Variants in FGF12 observed in about 807,000 individuals in gnomAD.
The protein encoded by FGF12 is fibroblast growth factor 12B.
FGF12 carries 14 observed loss-of-function variants against 23.6 expected under a neutral mutation model. That is an observed-to-expected ratio of 0.59 (90% CI 0.39 to 0.93). The LOEUF (loss-of-function observed/expected upper bound fraction) is 0.93. FGF12 is among the 40% of genes least tolerant of loss of function. The pLI, the probability that FGF12 is intolerant of heterozygous loss-of-function variation, is 0.00. For missense variants in FGF12, 175 were observed against 217.8 expected, an observed-to-expected ratio of 0.80 and a Z score of 1.24; for synonymous variants, 62 against 77.3, an observed-to-expected ratio of 0.80 and a Z score of 1.04.
At chr3:192,461,479 A>G (rs868177655) in intron 2 of FGF12, among the ~76,000 whole-genome samples, 1 of 152,342 alleles carries the variant, frequency 6.6e-6, no homozygotes, top group Admixed American at 6.5e-5. Context: ...CTGGAATTCC[A>G]TCATATTTAT....
chr3:192,216,921 G>C (rs985265874), intron 4 of FGF12, among the ~76,000 whole-genome samples: 2 of 152,188 alleles, frequency 1.3e-5, no homozygotes, highest in Non-Finnish European at 2.9e-5. Flanking sequence ...TGAATATTAA[G>C]GATGTGAGAA....
intron 4 of FGF12, among the ~76,000 whole-genome samples, chr3:192,312,039 A>G (rs933780853): frequency 1.3e-5 from 2 of 151,944 alleles, no homozygotes; most frequent in African/African-American, 4.8e-5. Context: ...CTGAGTTATA[A>G]GAGTTCTTTA....
At chr3:192,393,429 AACTG>A (rs1300753395) in intron 2 of FGF12, among the ~76,000 whole-genome samples, 68 of 152,222 alleles carry the variant, frequency 4.5e-4, no homozygotes, top group Non-Finnish European at 2.2e-4. Context: ...GGTGGCCTCT[AACTG>A]ACTGTTATGA....
At chr3:192,218,861 A>C (rs886601995) in intron 4 of FGF12, among the ~76,000 whole-genome samples, 4 of 152,198 alleles carry the variant, frequency 2.6e-5, no homozygotes, top group African/African-American at 7.2e-5. Flanking sequence ...TTTGCTCCAC[A>C]TTTAAAAAGT....
At chr3:192,156,833 G>C (rs1714452754) in intron 5 of FGF12, among the ~76,000 whole-genome samples, 1 of 152,088 alleles carries the variant, frequency 6.6e-6, no homozygotes, top group Non-Finnish European at 1.5e-5. Flanking sequence ...TTTCTTTTTG[G>C]TTCTTCTGTA....
chr3:192,398,012 C>T (rs185924868), intron 2 of FGF12, among the ~76,000 whole-genome samples: 31 of 152,022 alleles, frequency 2.0e-4, no homozygotes, highest in Admixed American at 1.0e-3. Context: ...ACAACTTATC[C>T]GGGTTTATAG....
intron 2 of FGF12, among the ~76,000 whole-genome samples, chr3:192,653,332 C>A (rs1470676405): frequency 2.0e-5 from 3 of 152,064 alleles, no homozygotes; most frequent in African/African-American, 7.2e-5. Context: ...TTAGAATAAT[C>A]AAAAAATCTC....
At chr3:192,577,078 A>T (rs1039051071) in intron 2 of FGF12, among the ~76,000 whole-genome samples, 6 of 152,152 alleles carry the variant, frequency 3.9e-5, no homozygotes, top group African/African-American at 1.4e-4. Flanking sequence ...TAGGGGAGGG[A>T]TAGCATTAGG....
intron 4 of FGF12, among the ~76,000 whole-genome samples, chr3:192,196,705 A>G (rs1717087709): frequency 6.6e-6 from 1 of 152,210 alleles, no homozygotes; most frequent in African/African-American, 2.4e-5. Flanking sequence ...TGAACCATCA[A>G]GGTAGACGTG....
intron 4 of FGF12, among the ~76,000 whole-genome samples, chr3:192,186,012 A>G (rs1451132893): frequency 6.6e-6 from 1 of 151,276 alleles, no homozygotes; most frequent in Non-Finnish European, 1.5e-5. Context: ...GAAGCCTATA[A>G]TATGAGAGAA....
chr3:192,352,322 G>T (rs1029338107), intron 3 of FGF12, among the ~76,000 whole-genome samples: 1 of 152,214 alleles, frequency 6.6e-6, no homozygotes, highest in Non-Finnish European at 1.5e-5. Flanking sequence ...GATGCCAGTT[G>T]TACTTGCTGC....
intron 4 of FGF12, among the ~76,000 whole-genome samples, chr3:192,195,726 ATATGTATGTATGTGTATATATG>A (rs1012209177): frequency 2.0e-5 from 3 of 152,190 alleles, no homozygotes; most frequent in Admixed American, 6.5e-5. Flanking sequence ...GTGTGTATAT[ATATGTATGTATGTGTATATATG>A]TATGTATGTA....
At chr3:192,218,278 C>A (rs1718298755) in intron 4 of FGF12, among the ~76,000 whole-genome samples, 1 of 152,186 alleles carries the variant, frequency 6.6e-6, no homozygotes. Context: ...TAAGGAGATA[C>A]TGGCATCTTT....
intron 2 of FGF12, among the ~76,000 whole-genome samples, chr3:192,669,382 T>A (rs1438300061): frequency 6.6e-6 from 1 of 151,622 alleles, no homozygotes; most frequent in Non-Finnish European, 1.5e-5. Flanking sequence ...AGTCAAGAGA[T>A]CAAGACCATC....
At chr3:192,441,487 C>T (rs377183360) in intron 2 of FGF12, among the ~76,000 whole-genome samples, 8 of 152,236 alleles carry the variant, frequency 5.3e-5, no homozygotes, top group South Asian at 4.1e-4. Flanking sequence ...TGATGTTGCA[C>T]GTTTTTTTCT....
intron 2 of FGF12, among the ~76,000 whole-genome samples, chr3:192,453,309 C>A (rs1370217682): frequency 6.6e-6 from 1 of 152,072 alleles, no homozygotes; most frequent in Non-Finnish European, 1.5e-5. Context: ...ATTTGAAAAT[C>A]TTTTGTTCCT....
At chr3:192,612,801 T>C (rs911134082) in intron 2 of FGF12, among the ~76,000 whole-genome samples, 1 of 152,002 alleles carries the variant, frequency 6.6e-6, no homozygotes, top group African/African-American at 2.4e-5. Flanking sequence ...TGTGGTGTTT[T>C]AATGGAAACC....
rs77335742 is a variant in FGF12, at chr3:192,186,484, C to T, written c.229-15828G>A. Among the ~76,000 whole-genome samples, 336 of 152,290 alleles carry T rather than the reference C, an allele frequency of 2.2e-3. 6 individuals carry two copies. The East Asian group carries it at 0.031, about 14-fold the overall frequency. ...AGCCTACTAGAAAGAAGGCTATCTACTTCCTTTCTATAGACTCATTCTATT... is the reference window on the plus strand; with the variant it reads ...AGCCTACTAGAAAGAAGGCTATCTATTTCCTTTCTATAGACTCATTCTATT... On this transcript the variant is annotated intron_variant, in intron 4 of 5. Coordinates refer to ENST00000445105, the MANE Select transcript of FGF12 (RefSeq NM_004113.6).
chr3:192,662,257 G>T (rs899504452), intron 2 of FGF12, among the ~76,000 whole-genome samples: 1 of 152,196 alleles, frequency 6.6e-6, no homozygotes, highest in Non-Finnish European at 1.5e-5. Context: ...ATCCTCCAGA[G>T]GTAATATCCT....
Sources: allele counts gnomAD v4.1 joint callset (sites outside exome capture counted in the v4.1 genomes callset), GRCh38; gene constraint gnomAD v4.1.1; transcripts MANE v1.5; gene names NCBI Gene and HGNC (gene_info 2026-07-23, HGNC 2026-07-21).